The following STK32B variants were observed in gnomAD, a reference collection of about 807,000 sequenced individuals.
The protein encoded by STK32B is serine/threonine kinase 32B.
STK32B carries 43 observed loss-of-function variants against 52.6 expected under a neutral mutation model. That is an observed-to-expected ratio of 0.82 (90% confidence interval 0.64 to 1.05). The LOEUF is 1.05. Among genes scored for constraint, STK32B ranks in the 50% least tolerant of loss-of-function variants. The pLI, the probability that STK32B is intolerant of heterozygous loss-of-function variation, is 0.00. For synonymous variants in STK32B, 238 were observed against 204.3 expected (o/e 1.17, Z -1.41); for missense variants, 621 against 534.6 (o/e 1.16, Z -1.59).
At chr4:5,497,798 A>G (rs966943355) in intron 11 of STK32B, among the ~76,000 whole-genome samples, 4 of 152,206 alleles carry the variant, frequency 2.6e-5, no homozygotes, top group Admixed American at 2.6e-4. Flanking sequence ...AGGACCCTGC[A>G]TATAAGCAGC....
intron 4 of STK32B, among the ~76,000 whole-genome samples, chr4:5,362,905 A>G (rs1454926286): frequency 6.6e-6 from 1 of 152,176 alleles, no homozygotes; most frequent in Non-Finnish European, 1.5e-5. Flanking sequence ...TTCAACCTCC[A>G]TACTGCCTGG....
intron 3 of STK32B, among the ~76,000 whole-genome samples, chr4:5,267,698 A>G (rs1299966500): frequency 6.6e-6 from 1 of 152,204 alleles, no homozygotes; most frequent in African/African-American, 2.4e-5. Flanking sequence ...TCTCACAGCC[A>G]AAGAGTAGAG....
At chr4:5,492,904 C>T (rs1022438124) in intron 11 of STK32B, among the ~76,000 whole-genome samples, 13 of 150,942 alleles carry the variant, frequency 8.6e-5, no homozygotes, top group African/African-American at 2.5e-4. Context: ...ATTGAACCAG[C>T]CTTGCATCCC....
intron 1 of STK32B, among the ~76,000 whole-genome samples, chr4:5,096,683 C>T (rs1713417924): frequency 1.3e-5 from 2 of 152,104 alleles, no homozygotes; most frequent in African/African-American, 2.4e-5. Context: ...TGGGGCCAGT[C>T]GCGAACACCA....
At chr4:5,308,143 T>C (rs924303976) in intron 3 of STK32B, among the ~76,000 whole-genome samples, 2 of 152,156 alleles carry the variant, frequency 1.3e-5, no homozygotes, top group Non-Finnish European at 2.9e-5. Flanking sequence ...GTGCATCAGC[T>C]GTGATTGTAT....
intron 1 of STK32B, among the ~76,000 whole-genome samples, chr4:5,118,236 T>C (rs576361354): frequency 6.6e-6 from 1 of 152,314 alleles, no homozygotes; most frequent in South Asian, 2.1e-4. Context: ...ATCTGTCTTC[T>C]TGTTATTGGT....
intron 3 of STK32B, among the ~76,000 whole-genome samples, chr4:5,171,915 C>T (rs1201892635): frequency 2.2e-4 from 34 of 151,402 alleles, no homozygotes; most frequent in Non-Finnish European, 4.3e-4. Flanking sequence ...GCCATTTTCA[C>T]GATGTTGATT....
intron 4 of STK32B, among the ~76,000 whole-genome samples, chr4:5,391,521 T>C (rs1020747129): frequency 6.6e-6 from 1 of 152,156 alleles, no homozygotes; most frequent in Admixed American, 6.5e-5. Flanking sequence ...AGATTGCAAC[T>C]GAGCTGTATC....
chr4:5,189,063 G>C (rs1720978121), intron 3 of STK32B, among the ~76,000 whole-genome samples: 1 of 151,602 alleles, frequency 6.6e-6, no homozygotes, highest in East Asian at 1.9e-4. Flanking sequence ...AAAATTAAGA[G>C]GAGATTTCCC....
At chr4:5,311,463 G>A (rs1260210800) in intron 3 of STK32B, among the ~76,000 whole-genome samples, 1 of 152,044 alleles carries the variant, frequency 6.6e-6, no homozygotes, top group South Asian at 2.1e-4. Flanking sequence ...ATTGAAAATA[G>A]GAGAACAGTA....
In STK32B at chr4:5,109,061, C is replaced by T. The variant is rs551074973; in HGVS notation, c.53-30844C>T. On this transcript the variant is annotated intron_variant, in intron 1 of 11. Coordinates refer to ENST00000282908, the MANE Select transcript of STK32B (RefSeq NM_018401.3). ...TCTGCTTCTTAATTGCCATGGTCTC[C>T]CCAGCTTCCTTGTCCAGTTAATGCA... Among the ~76,000 whole-genome samples the T allele has an allele frequency of 2.6e-5, 4 of 152,266 alleles. No homozygotes were observed. The East Asian group carries it at 7.7e-4, about 29-fold the overall frequency.
intron 1 of STK32B, among the ~76,000 whole-genome samples, chr4:5,056,856 G>T (rs1742027483): frequency 6.6e-6 from 1 of 152,166 alleles, no homozygotes; most frequent in Admixed American, 6.5e-5. Context: ...TTTTCCCAAG[G>T]GATATTGGAG....
chr4:5,051,856 G>T lies in STK32B; in HGVS notation c.-8G>T. 6.3e-7 allele frequency: 1 copy of T among 1,596,020 alleles called. No homozygotes were observed. Among genetic ancestry groups the T allele is most frequent in the Non-Finnish European group, 8.5e-7 (1 of 1,172,054 alleles). On this transcript the variant is annotated 5_prime_UTR_variant, in exon 1 of 12. Transcript: ENST00000282908. The stretch of plus-strand genomic sequence containing the variant: ...CCGGGCATGTAGCAGCGGCAGCAAC[G>T]GCGGAATATGGGCGGGAACCACTCC...
At chr4:5,434,864 G>A (rs910141994) in intron 6 of STK32B, among the ~76,000 whole-genome samples, 3 of 152,142 alleles carry the variant, frequency 2.0e-5, no homozygotes, top group East Asian at 1.9e-4. Context: ...CCCTAAGATC[G>A]CAACTATTGG....
intron 4 of STK32B, among the ~76,000 whole-genome samples, chr4:5,376,206 C>T (rs549665392): frequency 6.6e-6 from 1 of 152,338 alleles, no homozygotes; most frequent in South Asian, 2.1e-4. Flanking sequence ...GGTTCTCCAT[C>T]TGCTTTTGCT....
intron 1 of STK32B, among the ~76,000 whole-genome samples, chr4:5,099,454 G>GCACACA (rs1553823535): frequency 1.0e-4 from 13 of 129,850 alleles, no homozygotes; most frequent in African/African-American, 3.1e-4. Flanking sequence ...GTGTGTGCGC[G>GCACACA]CGCGCGTATG....
intron 3 of STK32B, among the ~76,000 whole-genome samples, chr4:5,201,724 C>A (rs986379337): frequency 2.0e-5 from 3 of 152,162 alleles, no homozygotes; most frequent in Non-Finnish European, 2.9e-5. Flanking sequence ...GCACATCTTA[C>A]ATGGTGGCAG....
chr4:5,212,373 G>C (rs1722957571), intron 3 of STK32B, among the ~76,000 whole-genome samples: 1 of 152,134 alleles, frequency 6.6e-6, no homozygotes, highest in South Asian at 2.1e-4. Context: ...CTCAAAACAA[G>C]CAATTTTTCC....
At chr4:5,210,952 T>C (rs1221660388) in intron 3 of STK32B, among the ~76,000 whole-genome samples, 7 of 151,978 alleles carry the variant, frequency 4.6e-5, no homozygotes, top group Admixed American at 4.6e-4. Flanking sequence ...TGCACCATCA[T>C]GCCTAGCTAA....
Sources: allele counts gnomAD v4.1 joint callset (sites outside exome capture counted in the v4.1 genomes callset), GRCh38; gene constraint gnomAD v4.1.1; transcripts MANE v1.5; gene names NCBI Gene and HGNC (gene_info 2026-07-23, HGNC 2026-07-21).